The following CACNG3 variants were observed in gnomAD, a reference collection of about 807,000 sequenced individuals.
The protein encoded by CACNG3 is voltage-dependent calcium channel gamma-3 subunit.
In CACNG3, 3 loss-of-function variants were observed where a neutral mutation model predicts 28.5. The ratio of observed to expected loss-of-function variants is 0.11; its 90% CI spans 0.05 to 0.27. The LOEUF is 0.27. CACNG3 is among the 10% of genes least tolerant of loss of function. The pLI, the probability that CACNG3 is intolerant of heterozygous loss-of-function variation, is 1.00. For synonymous variants in CACNG3, 174 were observed against 162.2 expected, an observed-to-expected ratio of 1.07 and a Z score of -0.55; for missense variants, 236 against 414.4, an observed-to-expected ratio of 0.57 and a Z score of 3.74.
Position 24,361,315 on chromosome 16 carries a change from G to A in CACNG3, c.437-37G>A. The A allele has an allele frequency of 1.4e-6, 2 of 1,480,704 alleles. No homozygotes were observed. Among genetic ancestry groups the A allele is most frequent in the Non-Finnish European group, 1.8e-6 (2 of 1,093,486 alleles). 91.7% of individuals were successfully genotyped at this position (1,480,704 alleles called of 1,614,324 possible). The stretch of plus-strand genomic sequence containing the variant: ...GGAAAGTGACAGTTCTCTCCGAGGT[G>A]TATAAAGGACGTGTTTTTCTTTTCC... On this transcript the variant is annotated intron_variant, in intron 3 of 3. Coordinates refer to ENST00000005284, the MANE Select transcript of CACNG3 (RefSeq NM_006539.4). This position sits in a 1 kb window ranked among gnomAD's most constrained non-coding sequence, Gnocchi z 6.8.
chr16:24,320,459 A>T (rs989730141), intron 1 of CACNG3, among the ~76,000 whole-genome samples: 1 of 152,212 alleles, frequency 6.6e-6, no homozygotes, highest in Non-Finnish European at 1.5e-5. Flanking sequence ...TGCTGTATAA[A>T]ATCCAAGGAA....
At chr16:24,346,137 T>C (rs1018015024) in intron 1 of CACNG3, among the ~76,000 whole-genome samples, 1 of 152,172 alleles carries the variant, frequency 6.6e-6, no homozygotes, top group Non-Finnish European at 1.5e-5. Context: ...TCATAATTAG[T>C]GTTTATGTTT....
rs558460301 is a variant in CACNG3 at position 24,299,177 on chromosome 16, G to A, written c.211+42212G>A. ...TACATAAATTATTTGGGATTCTTCT[G>A]TACTGGAAATGTGCCTATTCTCCCC... is the stretch of plus-strand genomic sequence containing the variant. On this transcript the variant is annotated intron_variant, in intron 1 of 3. Coordinates refer to ENST00000005284, the MANE Select transcript of CACNG3 (RefSeq NM_006539.4). 5.9e-5 allele frequency among the ~76,000 whole-genome samples: 9 copies of A among 152,138 alleles called. No individual in the cohort carries two copies. In the East Asian group the frequency reaches 1.7e-3, roughly 29 times the overall value.
At chr16:24,322,575 A>C (rs1899479280) in intron 1 of CACNG3, among the ~76,000 whole-genome samples, 1 of 152,164 alleles carries the variant, frequency 6.6e-6, no homozygotes, top group Middle Eastern at 3.2e-3. Flanking sequence ...GTAAAATACA[A>C]GAAAATGGAG....
At chr16:24,302,265 C>T (rs1899123049) in intron 1 of CACNG3, among the ~76,000 whole-genome samples, 1 of 152,200 alleles carries the variant, frequency 6.6e-6, no homozygotes, top group Admixed American at 6.5e-5. Flanking sequence ...TATTCTCCAA[C>T]AGCTTCCCCT....
intron 1 of CACNG3, among the ~76,000 whole-genome samples, chr16:24,287,444 A>T (rs1291203755): frequency 6.7e-6 from 1 of 148,728 alleles, no homozygotes; most frequent in South Asian, 2.2e-4. Context: ...CTTGAACCCA[A>T]GAGGCGGAGG....
chr16:24,305,503 T>C (rs956154081), intron 1 of CACNG3, among the ~76,000 whole-genome samples: 55 of 151,914 alleles, frequency 3.6e-4, no homozygotes, highest in Non-Finnish European at 6.6e-4. Context: ...TTGCACCCAG[T>C]TAATATTTTT....
chr16:24,289,224 C>G (rs549305005), intron 1 of CACNG3, among the ~76,000 whole-genome samples: 1 of 151,776 alleles, frequency 6.6e-6, no homozygotes, highest in Non-Finnish European at 1.5e-5. Flanking sequence ...ACTTCCTCAA[C>G]GTTCCTCTCA....
chr16:24,312,389 C>T (rs1020254120), intron 1 of CACNG3, among the ~76,000 whole-genome samples: 5 of 152,124 alleles, frequency 3.3e-5, no homozygotes, highest in African/African-American at 1.2e-4. Context: ...GGGTTCTAAA[C>T]CTAGCTCTGT....
At chr16:24,340,488 A>T (rs1346733323) in intron 1 of CACNG3, among the ~76,000 whole-genome samples, 1 of 152,220 alleles carries the variant, frequency 6.6e-6, no homozygotes, top group Non-Finnish European at 1.5e-5. Flanking sequence ...ATTATTCGTT[A>T]TATACGTGTA....
At chr16:24,283,384 A>G (rs1434188673) in intron 1 of CACNG3, among the ~76,000 whole-genome samples, 1 of 152,150 alleles carries the variant, frequency 6.6e-6, no homozygotes, top group Non-Finnish European at 1.5e-5. Flanking sequence ...GTTTAGAGAA[A>G]TCTTAACATT....
chr16:24,345,114 T>C (rs1200702187), intron 1 of CACNG3, among the ~76,000 whole-genome samples: 1 of 152,228 alleles, frequency 6.6e-6, no homozygotes, highest in Admixed American at 6.5e-5. Context: ...TATTATGACA[T>C]GCCTAGAGCT....
intron 1 of CACNG3, among the ~76,000 whole-genome samples, chr16:24,289,455 T>C (rs968394016): frequency 6.6e-6 from 1 of 152,214 alleles, no homozygotes; most frequent in African/African-American, 2.4e-5. Flanking sequence ...ACTTTCAAGT[T>C]GGCAGGATTG....
intron 1 of CACNG3, among the ~76,000 whole-genome samples, chr16:24,311,054 T>C (rs1235319199): frequency 6.6e-6 from 1 of 152,180 alleles, no homozygotes; most frequent in Non-Finnish European, 1.5e-5. Context: ...GGCACTTGGG[T>C]TGTCCCCATT....
intron 1 of CACNG3, among the ~76,000 whole-genome samples, chr16:24,311,110 G>A (rs1019751354): frequency 1.3e-5 from 2 of 152,206 alleles, no homozygotes; most frequent in African/African-American, 4.8e-5. Context: ...TCTACAGATA[G>A]ATCCAAGGCA....
At chr16:24,307,879 C>T (rs181209794) in intron 1 of CACNG3, among the ~76,000 whole-genome samples, 1 of 152,272 alleles carries the variant, frequency 6.6e-6, no homozygotes, top group Admixed American at 6.5e-5. Flanking sequence ...TGATTCATAA[C>T]TCTACTTCTT....
At chr16:24,289,460 G>A (rs1441878929) in intron 1 of CACNG3, among the ~76,000 whole-genome samples, 1 of 152,208 alleles carries the variant, frequency 6.6e-6, no homozygotes, top group African/African-American at 2.4e-5. Context: ...CAAGTTGGCA[G>A]GATTGAAACT....
At chr16:24,319,302 G>A (rs1042928931) in intron 1 of CACNG3, among the ~76,000 whole-genome samples, 6 of 152,198 alleles carry the variant, frequency 3.9e-5, no homozygotes, top group African/African-American at 1.4e-4. Flanking sequence ...GAAAAATCAG[G>A]GGGATTGTGT....
chr16:24,286,563 C>T (rs1441673759), intron 1 of CACNG3, among the ~76,000 whole-genome samples: 3 of 152,156 alleles, frequency 2.0e-5, no homozygotes, highest in Non-Finnish European at 2.9e-5. Context: ...GTTGCCATCG[C>T]CATGCTGGCC....
Sources: allele counts gnomAD v4.1 joint callset (sites outside exome capture counted in the v4.1 genomes callset), GRCh38; gene constraint gnomAD v4.1.1; non-coding constraint Gnocchi (gnomAD v3.1); transcripts MANE v1.5; gene names NCBI Gene and HGNC (gene_info 2026-07-23, HGNC 2026-07-21).